The following SYT1 variants were observed in gnomAD, a reference collection of about 807,000 sequenced individuals.
SYT1 encodes synaptotagmin-1.
Under a neutral mutation model 44.8 loss-of-function variants are expected in SYT1, and 8 were observed. The ratio of observed to expected loss-of-function variants is 0.18; its 90% CI spans 0.10 to 0.32. SYT1 has a LOEUF of 0.32. Among genes scored for constraint, SYT1 ranks in the 10% least tolerant of loss-of-function variants. The pLI is 1.00. For missense variants in SYT1, 286 were observed against 509.3 expected, an observed-to-expected ratio of 0.56 and a Z score of 4.22; for synonymous variants, 154 against 188.8, an observed-to-expected ratio of 0.82 and a Z score of 1.51.
Position 79,179,532 on chromosome 12 carries a change from G to GATATATAGATATATCT in SYT1, c.-17-37966_-17-37965insTAGATATATCTATATA, listed in dbSNP as rs376671906. 2.4e-4 allele frequency among the ~76,000 whole-genome samples: 29 copies of GATATATAGATATATCT among 118,786 alleles called. 1 individual carries two copies. The highest frequency in any genetic ancestry group is 5.9e-4 in the African/African-American group (18 of 30,420). The allele number at this position is 118,786 out of a possible 152,430, so 77.9% of individuals were successfully genotyped here. ...ATATAGATATATCTATATAGATATA[G>GATATATAGATATATCT]ATATAGATATAGAGATATAGATATA... On this transcript the variant is annotated intron_variant, in intron 3 of 10. Coordinates refer to ENST00000261205, the MANE Select transcript of SYT1 (RefSeq NM_005639.3).
intron 1 of SYT1, among the ~76,000 whole-genome samples, chr12:78,965,006 G>C (rs1440008600): frequency 8.6e-5 from 13 of 151,810 alleles, no homozygotes; most frequent in Non-Finnish European, 5.9e-5. Context: ...AATATATTCT[G>C]ATATGCCACT....
At chr12:79,186,376 T>C (rs1320488664) in intron 3 of SYT1, among the ~76,000 whole-genome samples, 1 of 152,020 alleles carries the variant, frequency 6.6e-6, no homozygotes, top group Non-Finnish European at 1.5e-5. Flanking sequence ...TAGTCTTACA[T>C]TGCTTGACAT....
At chr12:78,886,466 A>C (rs1251525666) in intron 1 of SYT1, among the ~76,000 whole-genome samples, 1 of 152,058 alleles carries the variant, frequency 6.6e-6, no homozygotes, top group Middle Eastern at 3.2e-3. Context: ...GACAGTTGTA[A>C]GATAATACAT....
intron 1 of SYT1, among the ~76,000 whole-genome samples, chr12:78,948,891 G>T (rs1451360157): frequency 6.6e-6 from 1 of 151,308 alleles, no homozygotes; most frequent in Non-Finnish European, 1.5e-5. Flanking sequence ...TGTCTCAAAT[G>T]TAAGTTTCTT....
At chr12:79,291,813 T>G (rs773655807) in intron 5 of SYT1, 195 bp from the exon 6 acceptor site, 4 of 736,738 alleles carry the variant, frequency 5.4e-6, no homozygotes, top group South Asian at 1.5e-5. Flanking sequence ...GCTTGCTGAT[T>G]GGGGAAAGAA....
chr12:79,340,344 C>G (rs1391837877), intron 8 of SYT1, among the ~76,000 whole-genome samples: 5 of 151,946 alleles, frequency 3.3e-5, no homozygotes, highest in South Asian at 2.1e-4. Context: ...CTTTTATTTC[C>G]TTGAGCAGTG....
At chr12:79,286,689 A>G (rs1481867750) in intron 5 of SYT1, among the ~76,000 whole-genome samples, 1 of 152,134 alleles carries the variant, frequency 6.6e-6, no homozygotes, top group Non-Finnish European at 1.5e-5. Context: ...TTATGTTGCT[A>G]TCTGTTTTTG....
intron 1 of SYT1, among the ~76,000 whole-genome samples, chr12:78,911,112 G>A (rs896098236): frequency 6.6e-6 from 1 of 151,996 alleles, no homozygotes; most frequent in African/African-American, 2.4e-5. Context: ...CTTCAGTGTT[G>A]TAAATAGGTG....
At chr12:79,373,276 A>G (rs913913172) in intron 9 of SYT1, among the ~76,000 whole-genome samples, 2 of 152,208 alleles carry the variant, frequency 1.3e-5, no homozygotes, top group Non-Finnish European at 2.9e-5. Flanking sequence ...ATGTTCACCT[A>G]TCAGTAAAAC....
At chr12:79,176,056 C>T (rs755419823) in intron 3 of SYT1, among the ~76,000 whole-genome samples, 34 of 151,804 alleles carry the variant, frequency 2.2e-4, no homozygotes, top group Non-Finnish European at 4.1e-4. Context: ...TTTGGAAGGC[C>T]GAGGAGGGTG....
intron 9 of SYT1, among the ~76,000 whole-genome samples, chr12:79,355,071 T>C (rs896141986): frequency 1.1e-4 from 17 of 152,102 alleles, no homozygotes; most frequent in African/African-American, 2.4e-4. Context: ...CCCATCATCA[T>C]AGAGAGATAT....
intron 3 of SYT1, among the ~76,000 whole-genome samples, chr12:79,084,135 TTTAAAGATTCA>T (rs1480024301): frequency 6.6e-6 from 1 of 152,118 alleles, no homozygotes; most frequent in Non-Finnish European, 1.5e-5. Context: ...TATTTCTCCT[TTTAAAGATTCA>T]TTATTTTCAT....
chr12:79,364,757 T>G (rs1404312930), intron 9 of SYT1, among the ~76,000 whole-genome samples: 1 of 152,178 alleles, frequency 6.6e-6, no homozygotes, highest in African/African-American at 2.4e-5. Context: ...TGTAATTAAC[T>G]AATAAAGTGT....
intron 8 of SYT1, among the ~76,000 whole-genome samples, chr12:79,315,423 C>G (rs1735907929): frequency 6.6e-6 from 1 of 152,080 alleles, no homozygotes; most frequent in Non-Finnish European, 1.5e-5. Flanking sequence ...TACTATGTTA[C>G]TCAGTTTGGC....
At chr12:79,039,703 T>C (rs1291727399) in intron 2 of SYT1, among the ~76,000 whole-genome samples, 3 of 150,988 alleles carry the variant, frequency 2.0e-5, no homozygotes, top group African/African-American at 4.9e-5. Flanking sequence ...ACATGTGCCA[T>C]GCTGGTGCGC....
chr12:79,224,979 C>A (rs1280708520), intron 4 of SYT1, among the ~76,000 whole-genome samples: 1 of 151,698 alleles, frequency 6.6e-6, no homozygotes, highest in Non-Finnish European at 1.5e-5. Context: ...CGGGATTTCT[C>A]CATGTTGGTC....
chr12:78,877,605 A>G (rs1406864975), intron 1 of SYT1, among the ~76,000 whole-genome samples: 1 of 151,750 alleles, frequency 6.6e-6, no homozygotes, highest in African/African-American at 2.4e-5. Flanking sequence ...TTTCTATTTC[A>G]TTAAATAAGT....
intron 9 of SYT1, among the ~76,000 whole-genome samples, chr12:79,361,407 G>A (rs950905981): frequency 6.6e-6 from 1 of 152,130 alleles, no homozygotes; most frequent in African/African-American, 2.4e-5. Context: ...TGATGTCTAG[G>A]TCCTTATCAT....
At chr12:78,889,596 C>G (rs1874934897) in intron 1 of SYT1, among the ~76,000 whole-genome samples, 1 of 148,076 alleles carries the variant, frequency 6.8e-6, no homozygotes, top group African/African-American at 2.5e-5. Flanking sequence ...TGAGCAAAGC[C>G]TTGGAATTAG....
Sources: gnomAD v4.1 joint callset for allele counts (sites outside exome capture counted in the v4.1 genomes callset) on GRCh38, gnomAD v4.1.1 for gene constraint, MANE v1.5 for transcripts, NCBI Gene and HGNC (gene_info 2026-07-23, HGNC 2026-07-21) for gene names.